Variants in ATP9B observed in about 807,000 individuals in gnomAD.
ATP9B encodes the protein probable phospholipid-transporting ATPase IIB.
ATP9B carries 110 observed loss-of-function variants against 146.1 expected under a neutral mutation model. That is an observed-to-expected ratio of 0.75 (90% CI 0.65 to 0.88). The LOEUF (loss-of-function observed/expected upper bound fraction) is 0.88, where lower values mean the gene tolerates loss of function less well. ATP9B is among the 40% of genes least tolerant of loss of function. The pLI is 0.00. For synonymous variants in ATP9B, 604 were observed against 569.7 expected, an observed-to-expected ratio of 1.06 and a Z score of -0.86; for missense variants, 1,499 against 1,496.4, an observed-to-expected ratio of 1.00 and a Z score of -0.03.
chr18:79,297,853 A>G lies in ATP9B; in HGVS notation c.1412-5751A>G, dbSNP rs977869447. 5.4e-5 allele frequency among the ~76,000 whole-genome samples: 7 copies of G among 128,680 alleles called. 1 individual carries two copies. Among genetic ancestry groups the G allele is most frequent in the African/African-American group, 2.0e-4 (7 of 35,614 alleles). The allele number at this position is 128,680 out of a possible 152,430, so 84.4% of individuals were successfully genotyped here. ...AGGAAGGAAACACTGCAATGACCTT[A>G]ACAGAACAGCCCTGGGTATAAAGAG... On this transcript the variant is annotated intron_variant, in intron 13 of 29. Transcript: ENST00000426216.
chr18:79,128,146 T>C (rs1401526011), intron 5 of ATP9B, among the ~76,000 whole-genome samples: 2 of 136,934 alleles, frequency 1.5e-5, no homozygotes, highest in Non-Finnish European at 3.1e-5. Context: ...TGCTACCTCC[T>C]CCTCCCGGGT....
chr18:79,293,361 G>A (rs1016388194), intron 13 of ATP9B, among the ~76,000 whole-genome samples: 6 of 152,082 alleles, frequency 3.9e-5, no homozygotes, highest in South Asian at 2.1e-4. Context: ...AGGTGGGGCC[G>A]TTAAGAGGCA....
At chr18:79,231,652 A>C (rs764896428) in intron 11 of ATP9B, among the ~76,000 whole-genome samples, 2 of 152,134 alleles carry the variant, frequency 1.3e-5, no homozygotes, top group Non-Finnish European at 2.9e-5. Context: ...TACCCAGAGG[A>C]AAAGTCATTG....
chr18:79,374,752 G>A (rs546889102), intron 28 of ATP9B, among the ~76,000 whole-genome samples: 43 of 152,374 alleles, frequency 2.8e-4, no homozygotes, highest in South Asian at 2.3e-3. Flanking sequence ...GAAAATACCC[G>A]TGGCTCATAA....
At chr18:79,072,701 G>GC (rs376667450) in intron 1 of ATP9B, among the ~76,000 whole-genome samples, 20,717 of 138,184 alleles carry the variant, frequency 0.15, 2,017 homozygotes, top group African/African-American at 0.29. Flanking sequence ...GGGTGGGGGC[G>GC]CCCCCCCACC....
At chr18:79,355,464 A>G (rs2096945762) in intron 25 of ATP9B, among the ~76,000 whole-genome samples, 1 of 152,226 alleles carries the variant, frequency 6.6e-6, no homozygotes, top group African/African-American at 2.4e-5. Context: ...AGACAAAAAA[A>G]AATGCCGTGA....
chr18:79,197,479 C>T (rs182021149), intron 9 of ATP9B, among the ~76,000 whole-genome samples: 1 of 151,746 alleles, frequency 6.6e-6, no homozygotes, highest in Admixed American at 6.6e-5. Context: ...AAAATAGAAC[C>T]TTAAAGCCAT....
chr18:79,189,648 A>C (rs1295845742), intron 8 of ATP9B, among the ~76,000 whole-genome samples: 1 of 152,220 alleles, frequency 6.6e-6, no homozygotes, highest in Non-Finnish European at 1.5e-5. Context: ...CGGAAGAGAA[A>C]ATACACTTAT....
chr18:79,255,677 G>A (rs2096070471), intron 12 of ATP9B, among the ~76,000 whole-genome samples: 1 of 152,232 alleles, frequency 6.6e-6, no homozygotes, highest in Non-Finnish European at 1.5e-5. Flanking sequence ...AGCCCCTCCT[G>A]ACACTGCAGC....
chr18:79,117,654 G>C (rs2094110714), intron 4 of ATP9B: 1 of 152,168 alleles, frequency 6.6e-6, no homozygotes, highest in African/African-American at 2.4e-5. Flanking sequence ...ATTTCATCCT[G>C]GGTGAAAAAG....
chr18:79,092,166 TCTAGATA>T (rs2074376565), intron 1 of ATP9B, among the ~76,000 whole-genome samples: 1 of 152,202 alleles, frequency 6.6e-6, no homozygotes, highest in Non-Finnish European at 1.5e-5. Flanking sequence ...AAATACTTCC[TCTAGATA>T]CTGAGTTTTG....
intron 8 of ATP9B, among the ~76,000 whole-genome samples, chr18:79,181,631 AG>A (rs1189537178): frequency 6.6e-6 from 1 of 151,948 alleles, no homozygotes; most frequent in African/African-American, 2.4e-5. Flanking sequence ...CAATTTTGAT[AG>A]TATCTGTTGC....
intron 1 of ATP9B, among the ~76,000 whole-genome samples, chr18:79,079,830 G>A (rs1488999314): frequency 1.3e-5 from 2 of 152,180 alleles, no homozygotes; most frequent in African/African-American, 4.8e-5. Flanking sequence ...CGTATAAGTT[G>A]TAAGGAAGGG....
intron 25 of ATP9B, among the ~76,000 whole-genome samples, chr18:79,356,819 G>C (rs1467789636): frequency 7.0e-6 from 1 of 143,232 alleles, no homozygotes; most frequent in Non-Finnish European, 1.6e-5. Flanking sequence ...GGGTCTGGAG[G>C]TGTCTGTGTG....
intron 12 of ATP9B, among the ~76,000 whole-genome samples, chr18:79,265,568 T>A (rs1215276568): frequency 6.6e-6 from 1 of 152,210 alleles, no homozygotes; most frequent in African/African-American, 2.4e-5. Flanking sequence ...TTTGTTTAAG[T>A]CCCGTTTAGG....
Position 79,287,866 on chromosome 18 carries a change from C to T in ATP9B, c.1411+10670C>T, listed in dbSNP as rs1462529319. Among the ~76,000 whole-genome samples, 841 of 148,924 alleles carry T rather than the reference C, an allele frequency of 5.6e-3. 6 individuals are homozygous for T. Among genetic ancestry groups the T allele is most frequent in the African/African-American group, 0.02 (801 of 40,492 alleles). Reference sequence around the variant, plus strand: ...AACATCTTTATTTCTGCCTTCATTTCGTTATGTACCCAGTAGTCATTCAGG... The same window carrying T: ...AACATCTTTATTTCTGCCTTCATTTTGTTATGTACCCAGTAGTCATTCAGG... On this transcript the variant is annotated intron_variant, in intron 13 of 29. Coordinates refer to ENST00000426216, the MANE Select transcript of ATP9B (RefSeq NM_198531.5).
At chr18:79,184,354 T>TTTTG (rs1319837509) in intron 8 of ATP9B, among the ~76,000 whole-genome samples, 2 of 151,984 alleles carry the variant, frequency 1.3e-5, no homozygotes, top group African/African-American at 2.4e-5. Flanking sequence ...AAGTAGGTTT[T>TTTTG]TTTGTTTGTT....
intron 7 of ATP9B, among the ~76,000 whole-genome samples, chr18:79,168,111 C>T (rs1287210802): frequency 6.6e-6 from 1 of 152,170 alleles, no homozygotes; most frequent in Non-Finnish European, 1.5e-5. Flanking sequence ...TTGCAGTCTT[C>T]GCAGCCGCCA....
intron 15 of ATP9B, among the ~76,000 whole-genome samples, chr18:79,326,426 C>T (rs2096746254): frequency 6.9e-6 from 1 of 144,130 alleles, no homozygotes; most frequent in African/African-American, 2.6e-5. Context: ...CCTCCCTCCC[C>T]TCACATGGTG....
Sources: allele counts gnomAD v4.1 joint callset (sites outside exome capture counted in the v4.1 genomes callset), GRCh38; gene constraint gnomAD v4.1.1; transcripts MANE v1.5; gene names NCBI Gene and HGNC (gene_info 2026-07-23, HGNC 2026-07-21).